Variants in MEGF10 observed in about 807,000 individuals in gnomAD.
MEGF10 encodes multiple epidermal growth factor-like domains protein 10.
MEGF10 carries 86 observed loss-of-function variants against 147.5 expected under a neutral mutation model. The observed-to-expected ratio is 0.58, with a 90% CI of 0.49 to 0.70. MEGF10 has a LOEUF of 0.70. Among genes scored for constraint, MEGF10 ranks in the 30% least tolerant of loss-of-function variants. The pLI is 0.00. For missense variants in MEGF10, 1,329 were observed against 1,487.3 expected, an observed-to-expected ratio of 0.89 and a Z score of 1.75; for synonymous variants, 478 against 525.5, an observed-to-expected ratio of 0.91 and a Z score of 1.24.
At chr5:127,308,977 G>A (rs1760138198) in intron 1 of MEGF10, among the ~76,000 whole-genome samples, 1 of 152,132 alleles carries the variant, frequency 6.6e-6, no homozygotes, top group African/African-American at 2.4e-5. Flanking sequence ...TGGAGGGATT[G>A]CCATCTGTAA....
At chr5:127,410,772 G>T (rs1764528474) in intron 9 of MEGF10, among the ~76,000 whole-genome samples, 171 bp downstream of exon 9, 1 of 152,246 alleles carries the variant, frequency 6.6e-6, no homozygotes, top group Admixed American at 6.5e-5. Flanking sequence ...AACTTAATGT[G>T]TGATGGTCTA....
intron 4 of MEGF10, among the ~76,000 whole-genome samples, chr5:127,351,390 G>A (rs1303517181): frequency 1.3e-5 from 2 of 151,738 alleles, no homozygotes; most frequent in Admixed American, 1.3e-4. Context: ...GTATTATATT[G>A]TAGACATATT....
rs10591122 is a variant in MEGF10, at chr5:127,371,191, C to CTGTGTGTGTG, written c.412+1235_412+1244dup. Among the ~76,000 whole-genome samples the CTGTGTGTGTG allele has an allele frequency of 2.0e-3, 252 of 126,238 alleles. 2 individuals are homozygous for CTGTGTGTGTG. The highest frequency in any genetic ancestry group is 0.017 in the Middle Eastern group (4 of 242). 82.8% of individuals were successfully genotyped at this position (126,238 alleles called of 152,430 possible). ...ACTGTACCTTAAACAGGGACTGGGA[C>CTGTGTGTGTG]TGTGTGTGTGTGTGTGTGTGTGTGT... On this transcript the variant is annotated intron_variant, in intron 5 of 24. Coordinates refer to ENST00000503335, the MANE Select transcript of MEGF10 (RefSeq NM_001256545.2).
the MEGF10 span, among the ~76,000 whole-genome samples, chr5:127,233,736 G>A: frequency 6.6e-6 from 1 of 152,174 alleles, no homozygotes; most frequent in African/African-American, 2.4e-5. Context: ...GAGATTTGGA[G>A]TATACAGTCT....
At chr5:127,260,026 G>T in the MEGF10 span, among the ~76,000 whole-genome samples, 831 of 152,092 alleles carry the variant, frequency 5.5e-3, 46 homozygotes, top group East Asian at 0.14. Context: ...GCATGGTGGT[G>T]TGTGCCTATA....
the MEGF10 span, among the ~76,000 whole-genome samples, chr5:127,248,415 G>T: frequency 6.6e-6 from 1 of 152,156 alleles, no homozygotes; most frequent in African/African-American, 2.4e-5. Context: ...ATCCTGAGAT[G>T]ATTCAGATTT....
chr5:127,437,085 A>G (rs922192980), intron 16 of MEGF10, among the ~76,000 whole-genome samples: 1 of 152,240 alleles, frequency 6.6e-6, no homozygotes, highest in African/African-American at 2.4e-5. Context: ...TCAGAAAAAT[A>G]TATTGTGAAC....
At chr5:127,287,204 T>C (rs1255919762), upstream of MEGF10, among the ~76,000 whole-genome samples, 1 of 151,996 alleles carries the variant, frequency 6.6e-6, no homozygotes, top group East Asian at 1.9e-4. Context: ...ACAAGACAGA[T>C]TGCTTTGGTT....
intron 5 of MEGF10, among the ~76,000 whole-genome samples, chr5:127,388,213 A>AT (rs1763506234): frequency 6.6e-6 from 1 of 152,054 alleles, no homozygotes; most frequent in Non-Finnish European, 1.5e-5. Flanking sequence ...CAGTGGCACC[A>AT]TCTCAGTTCA....
chr5:127,395,575 T>C (rs1403122940), intron 5 of MEGF10, among the ~76,000 whole-genome samples: 1 of 138,352 alleles, frequency 7.2e-6, no homozygotes, highest in Admixed American at 7.7e-5. Flanking sequence ...GACGGAGTCT[T>C]GCTCTGTCCC....
the MEGF10 span, among the ~76,000 whole-genome samples, chr5:127,254,031 C>T: frequency 1.3e-5 from 2 of 152,098 alleles, no homozygotes; most frequent in African/African-American, 4.8e-5. Flanking sequence ...TACAGCTTTG[C>T]ACTTTCTAGC....
intron 1 of MEGF10, among the ~76,000 whole-genome samples, chr5:127,329,187 G>A (rs1652425737): frequency 6.6e-6 from 1 of 152,130 alleles, no homozygotes; most frequent in African/African-American, 2.4e-5. Flanking sequence ...CATGATGCAT[G>A]TGAGAAATGT....
chr5:127,355,850 T>C (rs995197574), intron 4 of MEGF10, among the ~76,000 whole-genome samples: 4 of 136,318 alleles, frequency 2.9e-5, no homozygotes, highest in African/African-American at 6.2e-5. Context: ...CTGCTGCCTA[T>C]TTTTTTTTTT....
chr5:127,352,561 C>T (rs1227799673), intron 4 of MEGF10, among the ~76,000 whole-genome samples: 3 of 151,740 alleles, frequency 2.0e-5, no homozygotes, highest in South Asian at 2.1e-4. Context: ...CTTGGGAGGC[C>T]GACACAGGAG....
chr5:127,452,907 T>C lies in MEGF10; in HGVS notation c.2981-1659T>C, dbSNP rs115448920. 9.1e-3 allele frequency among the ~76,000 whole-genome samples: 1,380 copies of C among 152,214 alleles called. 8 individuals are homozygous for C. The highest frequency in any genetic ancestry group is 0.015 in the South Asian group (73 of 4,810). ...CCCCCAGCTATGGGCTTGGTTAGAC[T>C]CTTCACAACCCAGATGCAAGAGAGT... On this transcript the variant is annotated intron_variant, in intron 22 of 24. Coordinates refer to ENST00000503335, the MANE Select transcript of MEGF10 (RefSeq NM_001256545.2).
chr5:127,300,356 TA>T (rs1488366506), intron 1 of MEGF10, among the ~76,000 whole-genome samples: 4 of 152,170 alleles, frequency 2.6e-5, no homozygotes, highest in African/African-American at 4.8e-5. Flanking sequence ...GCACTTTTTT[TA>T]AAAATAGGAA....
chr5:127,331,821 T>C (rs1352347251), intron 2 of MEGF10, among the ~76,000 whole-genome samples: 1 of 151,912 alleles, frequency 6.6e-6, no homozygotes, highest in African/African-American at 2.4e-5. Flanking sequence ...TTGAAATATA[T>C]GGGATTTAAA....
At chr5:127,400,078 C>A (rs1764068187) in intron 7 of MEGF10, among the ~76,000 whole-genome samples, 1 of 152,112 alleles carries the variant, frequency 6.6e-6, no homozygotes, top group Non-Finnish European at 1.5e-5. Flanking sequence ...GGCTATGGAA[C>A]AAAGGAGACC....
intron 4 of MEGF10, among the ~76,000 whole-genome samples, chr5:127,349,682 CTT>C (rs71573989): frequency 6.8e-6 from 1 of 146,856 alleles, no homozygotes; most frequent in African/African-American, 2.5e-5. Context: ...ACAGGACTTC[CTT>C]TTTTTTTTTG....
Sources: gnomAD v4.1 joint callset for allele counts (sites outside exome capture counted in the v4.1 genomes callset) on GRCh38, gnomAD v4.1.1 for gene constraint, MANE v1.5 for transcripts, NCBI Gene and HGNC (gene_info 2026-07-23, HGNC 2026-07-21) for gene names.